The following UNC5D variants were observed in gnomAD, a reference collection of about 807,000 sequenced individuals.
The protein encoded by UNC5D is unc-5 netrin receptor D, also known as netrin receptor UNC5D.
A neutral mutation model predicts 105.4 loss-of-function variants in UNC5D; 39 were observed. That is an observed-to-expected ratio of 0.37 (90% confidence interval 0.29 to 0.48). The LOEUF (loss-of-function observed/expected upper bound fraction) is 0.48, where lower values mean the gene tolerates loss of function less well. Among genes scored for constraint, UNC5D ranks in the 20% least tolerant of loss-of-function variants. The pLI, the probability that UNC5D is intolerant of heterozygous loss-of-function variation, is 0.98. For synonymous variants in UNC5D, 452 were observed against 450.4 expected (o/e 1.00, Z -0.04); for missense variants, 991 against 1,202.4 (o/e 0.82, Z 2.60).
intron 2 of UNC5D, among the ~76,000 whole-genome samples, chr8:35,556,402 A>G (rs982755572): frequency 1.3e-5 from 2 of 152,156 alleles, no homozygotes; most frequent in African/African-American, 2.4e-5. Context: ...TTACCCTCAG[A>G]GTCCATGGCA....
intron 1 of UNC5D, among the ~76,000 whole-genome samples, chr8:35,347,774 T>A (rs1324131323): frequency 6.6e-6 from 1 of 152,008 alleles, no homozygotes; most frequent in Non-Finnish European, 1.5e-5. Context: ...TCATTTGTGA[T>A]TTTTGTATGA....
intron 4 of UNC5D, among the ~76,000 whole-genome samples, chr8:35,613,636 G>A (rs1820836647): frequency 6.6e-6 from 1 of 152,072 alleles, no homozygotes; most frequent in South Asian, 2.1e-4. Context: ...GTCACTTGAG[G>A]CCAGGAGTAC....
intron 1 of UNC5D, among the ~76,000 whole-genome samples, chr8:35,297,011 C>G (rs1807542316): frequency 6.6e-6 from 1 of 152,136 alleles, no homozygotes; most frequent in Non-Finnish European, 1.5e-5. Context: ...CACTTCAGCT[C>G]AGAACATTTA....
At chr8:35,393,993 C>T (rs1000713527) in intron 1 of UNC5D, among the ~76,000 whole-genome samples, 1 of 151,936 alleles carries the variant, frequency 6.6e-6, no homozygotes, top group South Asian at 2.1e-4. Context: ...CATCCTTCTT[C>T]CTCTTTCTCC....
intron 1 of UNC5D, among the ~76,000 whole-genome samples, chr8:35,328,881 T>TCA (rs1351020522): frequency 6.6e-6 from 1 of 152,152 alleles, no homozygotes; most frequent in African/African-American, 2.4e-5. Flanking sequence ...TCTTCCCCAG[T>TCA]CACACACATA....
chr8:35,334,514 A>AT (rs1388628754), intron 1 of UNC5D, among the ~76,000 whole-genome samples: 1 of 117,598 alleles, frequency 8.5e-6, no homozygotes, highest in Non-Finnish European at 1.8e-5. Context: ...ATAAACTTTT[A>AT]TTTATTTTTT....
chr8:35,605,421 G>A (rs963428961), intron 4 of UNC5D, among the ~76,000 whole-genome samples: 1 of 152,206 alleles, frequency 6.6e-6, no homozygotes, highest in Non-Finnish European at 1.5e-5. Flanking sequence ...TCTCAGAGGA[G>A]TACCTGGCCG....
chr8:35,568,407 G>A (rs1817503139), intron 3 of UNC5D, among the ~76,000 whole-genome samples, 166 bp downstream of exon 3: 1 of 152,222 alleles, frequency 6.6e-6, no homozygotes, highest in Non-Finnish European at 1.5e-5. Context: ...TTTCTGGCCA[G>A]GCGTGGCACA....
intron 1 of UNC5D, among the ~76,000 whole-genome samples, chr8:35,463,728 G>A (rs1463458454): frequency 6.6e-6 from 1 of 151,264 alleles, no homozygotes; most frequent in Non-Finnish European, 1.5e-5. Flanking sequence ...GGAAGCTGCA[G>A]TGAGCTCTGA....
intron 1 of UNC5D, among the ~76,000 whole-genome samples, chr8:35,410,423 G>A (rs954863342): frequency 1.3e-5 from 2 of 152,004 alleles, no homozygotes; most frequent in African/African-American, 2.4e-5. Context: ...TTGAATAGGG[G>A]AAACTAACAA....
At chr8:35,390,085 T>C (rs1216311726) in intron 1 of UNC5D, among the ~76,000 whole-genome samples, 1 of 152,138 alleles carries the variant, frequency 6.6e-6, no homozygotes, top group Admixed American at 6.5e-5. Flanking sequence ...CTTCCAGTCA[T>C]GGCAGAAGGC....
intron 1 of UNC5D, among the ~76,000 whole-genome samples, chr8:35,409,053 C>T (rs1000163300): frequency 1.3e-5 from 2 of 152,030 alleles, no homozygotes; most frequent in South Asian, 2.1e-4. Context: ...AGTCTAGCTT[C>T]TTTCACTTAA....
At chr8:35,502,637 C>A (rs1376746483) in intron 1 of UNC5D, among the ~76,000 whole-genome samples, 2 of 152,092 alleles carry the variant, frequency 1.3e-5, no homozygotes, top group Admixed American at 1.3e-4. Context: ...TGGCTCACTG[C>A]AACCTCTGCC....
intron 1 of UNC5D, among the ~76,000 whole-genome samples, chr8:35,335,665 T>C (rs1444545856): frequency 6.6e-6 from 1 of 152,090 alleles, no homozygotes; most frequent in Non-Finnish European, 1.5e-5. Flanking sequence ...ATATATTTAC[T>C]TGTAACATGA....
chr8:35,385,690 C>T (rs1384363316), intron 1 of UNC5D, among the ~76,000 whole-genome samples: 1 of 152,090 alleles, frequency 6.6e-6, no homozygotes, highest in African/African-American at 2.4e-5. Flanking sequence ...TGGTCTCGAT[C>T]TCCTGACCTC....
rs554187075 is a variant in UNC5D, at chr8:35,358,943, T to C, written c.103+123056T>C. Among the ~76,000 whole-genome samples, 3 of 152,292 alleles carry C rather than the reference T, an allele frequency of 2.0e-5. No homozygotes were observed. The South Asian group carries it at 6.2e-4, about 32-fold the overall frequency. On this transcript the variant is annotated intron_variant, in intron 1 of 16. Coordinates refer to ENST00000404895, the MANE Select transcript of UNC5D (RefSeq NM_080872.4). ...GTTAAGAATTGGTATATTTAAAAAT[T>C]ATGATTCCCATGAATAGATAAGGTA...
At chr8:35,366,345 G>A (rs1005572720) in intron 1 of UNC5D, among the ~76,000 whole-genome samples, 1 of 151,948 alleles carries the variant, frequency 6.6e-6, no homozygotes, top group African/African-American at 2.4e-5. Context: ...TCTTGTGCAT[G>A]CACTTTACAT....
intron 2 of UNC5D, among the ~76,000 whole-genome samples, chr8:35,563,016 A>G (rs1023971837): frequency 2.0e-5 from 3 of 151,962 alleles, no homozygotes; most frequent in African/African-American, 7.2e-5. Context: ...TTTTCTGTAT[A>G]TGGATATCCA....
Position 35,645,918 on chromosome 8 carries a change from TACAC to T in UNC5D, c.571-37614_571-37611del, listed in dbSNP as rs148598526. ...GAAGTCTGTGTGTGTTCCTTTAGAT[TACAC>T]ACACACACACACACTCCTTTACTCA... On this transcript the variant is annotated intron_variant, in intron 4 of 16. Transcript: ENST00000404895. Among the ~76,000 whole-genome samples, 884 of 150,330 alleles carry T rather than the reference TACAC, an allele frequency of 5.9e-3. 2 individuals are homozygous for T. The highest frequency in any genetic ancestry group is 0.021 in the African/African-American group (853 of 41,138).
Sources: gnomAD v4.1 joint callset for allele counts (sites outside exome capture counted in the v4.1 genomes callset) on GRCh38, gnomAD v4.1.1 for gene constraint, MANE v1.5 for transcripts, NCBI Gene and HGNC (gene_info 2026-07-23, HGNC 2026-07-21) for gene names.